LMO7: variants seen among roughly 807,000 people sequenced by gnomAD.
LMO7 encodes LIM domain 7.
Under a neutral mutation model 206.5 loss-of-function variants are expected in LMO7, and 120 were observed. The ratio of observed to expected loss-of-function variants is 0.58; its 90% CI spans 0.50 to 0.68. The LOEUF (loss-of-function observed/expected upper bound fraction) is 0.68. Among genes scored for constraint, LMO7 ranks in the 30% least tolerant of loss-of-function variants. The pLI, the probability that LMO7 is intolerant of heterozygous loss-of-function variation, is 0.00. For synonymous variants in LMO7, 706 were observed against 681.5 expected (o/e 1.04, Z -0.56); for missense variants, 1,959 against 1,957.9 (o/e 1.00, Z -0.01).
chr13:75,759,438 C>T (rs908415295), intron 3 of LMO7, among the ~76,000 whole-genome samples: 3 of 152,172 alleles, frequency 2.0e-5, no homozygotes, highest in Non-Finnish European at 4.4e-5. Flanking sequence ...AAAATTATCA[C>T]ATTTTGCTCC....
At position 75,856,559 on chromosome 13, in the gene LMO7, G is replaced by C; in HGVS notation, c.4824G>C (p.Arg1608Ser). The C allele has an allele frequency of 6.2e-7, 1 of 1,612,792 alleles. No homozygotes were observed. Among genetic ancestry groups the C allele is most frequent in the South Asian group, 1.1e-5 (1 of 91,044 alleles). ...LGGSSSGAEV[R>S]IRNHQLYCND... The stretch of plus-strand genomic sequence containing the variant: ...GCTCTTCCTCAGGAGCTGAAGTCAG[G>C]ATCAGAAACCACCAACTGTACTGCA... The change falls in exon 30 of 31, where the codon AGG becomes AGC. Residue 1608 changes from arginine to serine, a missense_variant. Arg to Ser is a moderately radical substitution (Grantham distance 110, BLOSUM62 -1). Transcript: ENST00000377534.
At chr13:75,840,901 CTACCT>C (rs2059509950) in intron 22 of LMO7, among the ~76,000 whole-genome samples, 1 of 152,116 alleles carries the variant, frequency 6.6e-6, no homozygotes, top group Non-Finnish European at 1.5e-5. Flanking sequence ...TTCTCAGTGT[CTACCT>C]TTTTACCCCA....
chr13:75,759,351 G>A (rs2047954390), intron 3 of LMO7, among the ~76,000 whole-genome samples: 1 of 152,074 alleles, frequency 6.6e-6, no homozygotes, highest in Admixed American at 6.6e-5. Flanking sequence ...GCTTCTCAGA[G>A]GGCCAATTTT....
chr13:75,712,587 A>G (rs1014022635), intron 1 of LMO7, among the ~76,000 whole-genome samples: 4 of 152,054 alleles, frequency 2.6e-5, no homozygotes, highest in African/African-American at 9.7e-5. Context: ...TAAAATATTC[A>G]CCATCTCACC....
At chr13:75,641,673 G>T (rs1433306337) in intron 1 of LMO7, among the ~76,000 whole-genome samples, 2 of 151,922 alleles carry the variant, frequency 1.3e-5, no homozygotes, top group Non-Finnish European at 2.9e-5. Flanking sequence ...TTTGTTTTCT[G>T]AGACAGGAAC....
At position 75,856,582 on chromosome 13, in the gene LMO7, G is replaced by C; in HGVS notation, c.4847G>C (p.Cys1616Ser). ...EVRIRNHQLYCNDCYLRFKSG... is the reference protein window; with the variant it reads ...EVRIRNHQLYSNDCYLRFKSG... ...AGGATCAGAAACCACCAACTGTACT[G>C]CAACGACTGCTATCTCAGATTCAAA... Residue 1616 changes from cysteine (C) to serine (S), a missense_variant, in exon 30 of 31, where the codon TGC becomes TCC. Transcript: ENST00000377534. 1 of 1,608,720 alleles carries C rather than the reference G, an allele frequency of 6.2e-7. No individual in the cohort carries two copies. The highest frequency in any genetic ancestry group is 8.5e-7 in the Non-Finnish European group (1 of 1,175,316).
At chr13:75,703,302 G>A (rs1422516564) in intron 1 of LMO7, among the ~76,000 whole-genome samples, 1 of 152,242 alleles carries the variant, frequency 6.6e-6, no homozygotes, top group Non-Finnish European at 1.5e-5. Context: ...ATTTCAGCCA[G>A]TGAGAAGTTG....
At chr13:75,627,927 T>G (rs2034425962) in intron 2 of LMO7, 1 of 148,492 alleles carries the variant, frequency 6.7e-6, no homozygotes, top group East Asian at 2.0e-4. Context: ...ATGATTTTAG[T>G]TCAATGATAG....
chr13:75,809,307 A>G, intron 11 of LMO7, 124 bp downstream of exon 11: 1 of 762,638 alleles, frequency 1.3e-6, no homozygotes, highest in Non-Finnish European at 2.2e-6. Flanking sequence ...ATATTTTTTA[A>G]GTGGGAAATG....
intron 15 of LMO7, among the ~76,000 whole-genome samples, chr13:75,827,674 A>C (rs1049587332): frequency 6.6e-6 from 1 of 152,052 alleles, no homozygotes; most frequent in African/African-American, 2.4e-5. Flanking sequence ...TGCCATGCAG[A>C]TGTGGTTTTC....
intron 1 of LMO7, among the ~76,000 whole-genome samples, chr13:75,640,325 A>G (rs375123862): frequency 6.6e-6 from 1 of 152,144 alleles, no homozygotes; most frequent in Non-Finnish European, 1.5e-5. Context: ...TAGTTGTACC[A>G]GTTAAATGGA....
At position 75,712,372 on chromosome 13, in the gene LMO7, T is replaced by C. The variant is rs552397456; in HGVS notation, c.70-810T>C. On this transcript the variant is annotated intron_variant, in intron 1 of 30. Transcript: ENST00000377534. ...TTGAGCTGGGACTCAGTCCCAGGGGTTGTTCTTAGGGCAGCTTTTTTCCCA... is the reference window on the plus strand; with the variant it reads ...TTGAGCTGGGACTCAGTCCCAGGGGCTGTTCTTAGGGCAGCTTTTTTCCCA... Among the ~76,000 whole-genome samples the C allele has an allele frequency of 3.9e-5, 6 of 152,160 alleles. No individual in the cohort carries two copies. The South Asian group carries it at 1.2e-3, about 32-fold the overall frequency.
intron 2 of LMO7, among the ~76,000 whole-genome samples, chr13:75,715,826 G>A (rs533780259): frequency 6.6e-6 from 1 of 152,264 alleles, no homozygotes; most frequent in South Asian, 2.1e-4. Flanking sequence ...ATCCACCTGT[G>A]TTATATATAA....
At chr13:75,711,441 G>T (rs1315621701) in intron 1 of LMO7, among the ~76,000 whole-genome samples, 1 of 152,008 alleles carries the variant, frequency 6.6e-6, no homozygotes, top group Non-Finnish European at 1.5e-5. Context: ...GACTTTTTTT[G>T]GTTGGTAAGC....
intron 30 of LMO7, 21 bp from the exon 31 acceptor site, chr13:75,857,900 C>T: frequency 6.3e-7 from 1 of 1,575,358 alleles, no homozygotes; most frequent in Non-Finnish European, 8.6e-7. Flanking sequence ...ACTTTTCTTT[C>T]TTTTCTCCTT....
chr13:75,644,537 C>A (rs2036845014), intron 1 of LMO7, among the ~76,000 whole-genome samples: 1 of 152,198 alleles, frequency 6.6e-6, no homozygotes, highest in Non-Finnish European at 1.5e-5. Context: ...TATACAACTT[C>A]CGCTCACCAG....
intron 1 of LMO7, among the ~76,000 whole-genome samples, chr13:75,681,736 A>ATATATATATGTATATATATATATATATG (rs2040542885): frequency 6.8e-5 from 9 of 133,220 alleles, no homozygotes; most frequent in Non-Finnish European, 9.8e-5. Flanking sequence ...ATATATATAT[A>ATATATATATGTATATATATATATATATG]TATATATATA....
chr13:75,732,802 G>A (rs1443233481), intron 3 of LMO7, among the ~76,000 whole-genome samples: 3 of 152,114 alleles, frequency 2.0e-5, no homozygotes, highest in Admixed American at 1.3e-4. Context: ...TGGGTTTTTG[G>A]TGTGGATGTC....
intron 4 of LMO7, among the ~76,000 whole-genome samples, chr13:75,771,112 T>TA (rs1270905146): frequency 5.3e-5 from 8 of 152,150 alleles, no homozygotes; most frequent in Non-Finnish European, 1.2e-4. Flanking sequence ...ATGTGGCAAA[T>TA]ATCTTCACAT....
Sources: allele counts gnomAD v4.1 joint callset (sites outside exome capture counted in the v4.1 genomes callset), GRCh38; gene constraint gnomAD v4.1.1; transcripts MANE v1.5; gene names NCBI Gene and HGNC (gene_info 2026-07-23, HGNC 2026-07-21).